TBC1D23: variants seen among roughly 807,000 people sequenced by gnomAD.
TBC1D23 encodes TBC1 domain family member 23, also known as HCV non-structural protein 4A-transactivated protein 1.
A neutral mutation model predicts 91.4 loss-of-function variants in TBC1D23; 55 were observed. The ratio of observed to expected loss-of-function variants is 0.60; its 90% CI spans 0.48 to 0.75. TBC1D23 has a LOEUF of 0.75. Ranked by LOEUF, TBC1D23 falls within the 30% of genes least tolerant of loss-of-function variation. TBC1D23 has a pLI of 0.00. For synonymous variants in TBC1D23, 289 were observed against 281.0 expected (o/e 1.03, Z -0.28); for missense variants, 725 against 836.1 (o/e 0.87, Z 1.64).
intron 4 of TBC1D23, among the ~76,000 whole-genome samples, chr3:100,288,006 C>T (rs1003026268): frequency 1.3e-5 from 2 of 151,974 alleles, no homozygotes; most frequent in African/African-American, 2.4e-5. Context: ...CTTTGGGAGG[C>T]CAGGGCAGGC....
At chr3:100,306,658 A>G (rs772802270) in intron 13 of TBC1D23, 115 bp downstream of exon 13, 137 of 591,758 alleles carry the variant, frequency 2.3e-4, no homozygotes, top group South Asian at 3.1e-4. Flanking sequence ...AACACATGCA[A>G]TGAAGAGTCA....
intron 1 of TBC1D23, among the ~76,000 whole-genome samples, chr3:100,274,709 G>A (rs758342911): frequency 3.3e-5 from 5 of 149,776 alleles, no homozygotes; most frequent in Admixed American, 6.7e-5. Context: ...CATCTATGTC[G>A]TAGCATGTGT....
intron 4 of TBC1D23, among the ~76,000 whole-genome samples, chr3:100,286,419 C>T (rs2067742250): frequency 6.6e-6 from 1 of 152,176 alleles, no homozygotes; most frequent in South Asian, 2.1e-4. Context: ...GAACAGCCCT[C>T]CAGCCAGGGC....
rs1200622434 is a variant in TBC1D23 at position 100,325,053 on chromosome 3, A to G, written c.*1385A>G. On this transcript the variant is annotated 3_prime_UTR_variant, in exon 19 of 19. Transcript: ENST00000394144. ...ATTGCACCTAGGTGCATTACTTGAT[A>G]TAACTCTCCCCTAAAACTGTTGTAA... The G allele has an allele frequency of 6.6e-6, 1 of 152,220 alleles. No individual in the cohort carries two copies. The highest frequency in any genetic ancestry group is 1.9e-4 in the East Asian group (1 of 5,206). 9.4% of individuals were successfully genotyped at this position (152,220 alleles called of 1,614,324 possible). A position where few individuals can be genotyped will look rare whatever the true frequency, so the allele number is the denominator to read the frequency against.
Position 100,276,236 on chromosome 3 carries a change from A to G in TBC1D23, c.54-3413A>G, listed in dbSNP as rs537700202. On this transcript the variant is annotated intron_variant, in intron 1 of 18. Coordinates refer to ENST00000394144, the MANE Select transcript of TBC1D23 (RefSeq NM_001199198.3). ...AGAACATGGTTGGGAGGAAAACCGAATTTAGAAAAATGTTAGTATATAGTC... is the reference window on the plus strand; with the variant it reads ...AGAACATGGTTGGGAGGAAAACCGAGTTTAGAAAAATGTTAGTATATAGTC... 2.0e-5 allele frequency among the ~76,000 whole-genome samples: 3 copies of G among 152,146 alleles called. No homozygotes were observed. In the South Asian group the frequency reaches 6.2e-4, roughly 32 times the overall value.
At chr3:100,283,207 TACTA>T (rs1302772043) in intron 3 of TBC1D23, among the ~76,000 whole-genome samples, 1 of 152,176 alleles carries the variant, frequency 6.6e-6, no homozygotes, top group Non-Finnish European at 1.5e-5. Flanking sequence ...ACCCTGTCTC[TACTA>T]AAAGTACAAA....
chr3:100,283,759 C>T lies in TBC1D23; in HGVS notation c.424C>T (p.Arg142Cys), dbSNP rs758687852. 29 of 1,613,126 alleles carry T rather than the reference C, an allele frequency of 1.8e-5. No individual in the cohort carries two copies. Among genetic ancestry groups the T allele is most frequent in the South Asian group, 2.2e-5 (2 of 91,066 alleles). The change falls in exon 4 of 19, where the codon CGC becomes TGC. Residue 142 changes from arginine to cysteine, a missense_variant. Physicochemically the swap from Arg to Cys is radical, Grantham distance 180. Coordinates refer to ENST00000394144, the MANE Select transcript of TBC1D23 (RefSeq NM_001199198.3). ...LKPLVHLQLP[R>C]SDLYNCFYAI... ...ACCATTGGTGCATCTTCAACTGCCA[C>T]GCAGCGATTTATACAACTGCTTTTA...
intron 4 of TBC1D23, among the ~76,000 whole-genome samples, chr3:100,287,445 A>G (rs1474667209): frequency 1.3e-5 from 2 of 152,246 alleles, no homozygotes; most frequent in Admixed American, 6.5e-5. Flanking sequence ...GCTGACTCTC[A>G]GAGATGCCCC....
At chr3:100,306,951 G>A (rs1705527261) in intron 13 of TBC1D23, among the ~76,000 whole-genome samples, 1 of 152,142 alleles carries the variant, frequency 6.6e-6, no homozygotes, top group Non-Finnish European at 1.5e-5. Context: ...AGAATACTAG[G>A]GCTCATAATC....
In TBC1D23 at chr3:100,290,580, A is replaced by G; in HGVS notation, c.479A>G (p.Asp160Gly). Residue 160 changes from aspartate (D) to glycine (G), a missense_variant and splice_region_variant, in exon 5 of 19, where the codon GAT becomes GGT. Physicochemically the swap from Asp to Gly is moderately conservative, Grantham distance 94. Coordinates refer to ENST00000394144, the MANE Select transcript of TBC1D23 (RefSeq NM_001199198.3). ...ATTTTGCTTCTCTTGTCTTCTAGGG[A>G]TTGTTCCCAGAAAGGGAGACCATTT... The part of the protein sequence containing the change: ...YAIMNKYIPR[D>G]CSQKGRPFHL... 6.2e-7 allele frequency: 1 copy of G among 1,613,264 alleles called. No individual in the cohort carries two copies. The highest frequency in any genetic ancestry group is 1.1e-5 in the South Asian group (1 of 90,954).
At chr3:100,273,601 G>T (rs967411259) in intron 1 of TBC1D23, among the ~76,000 whole-genome samples, 1 of 152,104 alleles carries the variant, frequency 6.6e-6, no homozygotes, top group African/African-American at 2.4e-5. Flanking sequence ...AAGGCATCAC[G>T]CTACCTGACT....
At chr3:100,286,520 CAG>C (rs1339991897) in intron 4 of TBC1D23, among the ~76,000 whole-genome samples, 1 of 148,852 alleles carries the variant, frequency 6.7e-6, no homozygotes, top group African/African-American at 2.5e-5. Context: ...TTTTTTGAGA[CAG>C]AGTCTCACTT....
rs141030052 is a variant in TBC1D23, at chr3:100,291,364, C to T, written c.600+663C>T. ...TTGGGAGGCTAAGGAAGGTGGATCA[C>T]TTGATGTCAGAAGTTTGATACAAGC... On this transcript the variant is annotated intron_variant, in intron 5 of 18. Coordinates refer to ENST00000394144, the MANE Select transcript of TBC1D23 (RefSeq NM_001199198.3). 1.1e-4 allele frequency among the ~76,000 whole-genome samples: 17 copies of T among 152,268 alleles called. No homozygotes were observed. In the East Asian group the frequency reaches 3.1e-3, roughly 28 times the overall value.
chr3:100,270,928 G>T (rs1042642764), intron 1 of TBC1D23, among the ~76,000 whole-genome samples: 1 of 152,004 alleles, frequency 6.6e-6, no homozygotes, highest in Admixed American at 6.6e-5. Context: ...AGTGTAGAGT[G>T]ATTACATACA....
At chr3:100,286,261 A>G (rs2067740949) in intron 4 of TBC1D23, among the ~76,000 whole-genome samples, 1 of 152,210 alleles carries the variant, frequency 6.6e-6, no homozygotes, top group African/African-American at 2.4e-5. Context: ...AACAGCTAGC[A>G]ATAGCAAGAG....
At chr3:100,314,091 A>ATTTTTTTTTTTTTTTT (rs71299383) in intron 15 of TBC1D23, among the ~76,000 whole-genome samples, 3 of 94,586 alleles carry the variant, frequency 3.2e-5, no homozygotes, top group Non-Finnish European at 6.0e-5. Context: ...AGGCTACAAA[A>ATTTTTTTTTTTTTTTT]TTTTTTTTTT....
Position 100,311,809 on chromosome 3 carries a change from G to T in TBC1D23, c.1554-24G>T, listed in dbSNP as rs1368276708. 2.6e-6 allele frequency: 4 copies of T among 1,514,366 alleles called. No homozygotes were observed. The East Asian group carries it at 7.4e-5, about 28-fold the overall frequency. The allele number at this position is 1,514,366 out of a possible 1,614,324, so 93.8% of individuals were successfully genotyped here. A position where few individuals can be genotyped will look rare whatever the true frequency, so the allele number is the denominator to read the frequency against. ...ATTTTTTTTATAATCATTTTGTTCT[G>T]TCCTCTGCCTTGATTTGCTATAGAA... On this transcript the variant is annotated intron_variant, in intron 14 of 18. Coordinates refer to ENST00000394144, the MANE Select transcript of TBC1D23 (RefSeq NM_001199198.3).
intron 7 of TBC1D23, among the ~76,000 whole-genome samples, chr3:100,295,603 C>T (rs911172945): frequency 2.6e-5 from 4 of 152,032 alleles, no homozygotes; most frequent in South Asian, 2.1e-4. Context: ...TTTCACTGTT[C>T]GAATAGATTG....
intron 1 of TBC1D23, among the ~76,000 whole-genome samples, chr3:100,266,422 C>T (rs926036919): frequency 2.0e-5 from 3 of 152,084 alleles, no homozygotes; most frequent in Non-Finnish European, 4.4e-5. Flanking sequence ...GCATGTGCCA[C>T]CATGCCCGGC....
Sources: gnomAD v4.1 joint callset for allele counts (sites outside exome capture counted in the v4.1 genomes callset) on GRCh38, gnomAD v4.1.1 for gene constraint, MANE v1.5 for transcripts, NCBI Gene and HGNC (gene_info 2026-07-23, HGNC 2026-07-21) for gene names.